The following ZNF708 variants were observed in gnomAD, a reference collection of about 807,000 sequenced individuals.
ZNF708 encodes the protein zinc finger protein 708.
In ZNF708, 44 loss-of-function variants were observed where a neutral mutation model predicts 47.0. That is an observed-to-expected ratio of 0.94 (90% confidence interval 0.74 to 1.20). The LOEUF is 1.20. ZNF708 is among the 50% of genes most tolerant of loss of function. ZNF708 has a pLI of 0.00. For missense variants in ZNF708, 557 were observed against 656.0 expected (o/e 0.85, Z 1.65); for synonymous variants, 184 against 218.5 (o/e 0.84, Z 1.39).
At chr19:21,323,187 G>A (rs897855781) in intron 1 of ZNF708, among the ~76,000 whole-genome samples, 5 of 152,102 alleles carry the variant, frequency 3.3e-5, no homozygotes, top group Non-Finnish European at 7.4e-5. Context: ...ACAGTTTATC[G>A]AAAGAAACAC....
At chr19:21,304,054 C>G (rs1427052723) in intron 3 of ZNF708, among the ~76,000 whole-genome samples, 1 of 152,020 alleles carries the variant, frequency 6.6e-6, no homozygotes, top group Non-Finnish European at 1.5e-5. Context: ...ATTTTACCTA[C>G]AGAGGAATAC....
Position 21,292,022 on chromosome 19 carries a change from A to G in ZNF708, c.*1252T>C, listed in dbSNP as rs927259783. ...CACTTTGATATAGTGTAATGTCTGA[A>G]GCATCCATACCTTAGTTTGTTTGTT... On this transcript the variant is annotated 3_prime_UTR_variant, in exon 4 of 4. Transcript: ENST00000356929. 1 of 152,062 alleles carries G rather than the reference A, an allele frequency of 6.6e-6. No individual in the cohort carries two copies. Among genetic ancestry groups the G allele is most frequent in the African/African-American group, 2.4e-5 (1 of 41,416 alleles). 9.4% of individuals were successfully genotyped at this position (152,062 alleles called of 1,614,324 possible). A position where few individuals can be genotyped will look rare whatever the true frequency, so the allele number is the denominator to read the frequency against.
intron 1 of ZNF708, among the ~76,000 whole-genome samples, chr19:21,317,006 C>T (rs12972339): frequency 0.56 from 84,659 of 151,424 alleles, 23,938 homozygotes; most frequent in Middle Eastern, 0.69. Context: ...AGGCTGGTCT[C>T]GAACTCCTAA....
In ZNF708 at chr19:21,324,756, T is replaced by C. The variant is rs564127863; in HGVS notation, c.3+4454A>G. 1.1e-4 allele frequency among the ~76,000 whole-genome samples: 16 copies of C among 152,290 alleles called. 1 individual carries two copies. In the South Asian group the frequency reaches 3.3e-3, roughly 32 times the overall value. On this transcript the variant is annotated intron_variant, in intron 1 of 3. Transcript: ENST00000356929. ...GTAAACAATTAGTCATATGGAAACA[T>C]GTCTAGGAGGTACCAAGTTTCAAAT... is the stretch of plus-strand genomic sequence containing the variant.
chr19:21,294,699 T>A lies in ZNF708; in HGVS notation c.267A>T (p.Gln89His), dbSNP rs772026648. The change falls in exon 4 of 4, where the codon CAA becomes CAT. Residue 89 changes from glutamine to histidine, a missense_variant. By Grantham distance (24) the Gln-to-His change is conservative (BLOSUM62 0). Transcript: ENST00000356929. The part of the protein sequence containing the change: ...SHFAKDLRPE[Q>H]YIKNSFQQVI... ...CTTGTTGGAAAGAATTTTTTATATA[T>A]TGCTCTGGCCTAAGGTCTTTGGCAA... is the stretch of plus-strand genomic sequence containing the variant. 7.4e-6 allele frequency: 12 copies of A among 1,613,292 alleles called. No individual in the cohort carries two copies. In the South Asian group the frequency reaches 1.2e-4, roughly 16 times the overall value.
intron 1 of ZNF708, among the ~76,000 whole-genome samples, chr19:21,313,757 CAAAAA>C (rs71176848): frequency 9.1e-6 from 1 of 109,818 alleles, no homozygotes; most frequent in Non-Finnish European, 1.9e-5. Context: ...GACTATGTCT[CAAAAA>C]AAAAAAAAAA....
intron 1 of ZNF708, among the ~76,000 whole-genome samples, chr19:21,317,970 C>A (rs780784934): frequency 1.3e-5 from 2 of 152,174 alleles, no homozygotes; most frequent in African/African-American, 2.4e-5. Flanking sequence ...AGCAATGGCT[C>A]TCTATGTTCT....
chr19:21,325,098 C>T (rs930295459), intron 1 of ZNF708, among the ~76,000 whole-genome samples: 2 of 152,076 alleles, frequency 1.3e-5, no homozygotes, highest in Non-Finnish European at 2.9e-5. Flanking sequence ...ACAAATCCCA[C>T]GCTCATGGAT....
At chr19:21,305,728 T>TCCCAAA (rs1394112470) in intron 3 of ZNF708, among the ~76,000 whole-genome samples, 20 of 152,196 alleles carry the variant, frequency 1.3e-4, no homozygotes, top group Non-Finnish European at 2.6e-4. Flanking sequence ...CCCAAAGTGC[T>TCCCAAA]GGGATTACAA....
rs1380998078 is a variant in ZNF708 at position 21,293,123 on chromosome 19, T to C, written c.*151A>G. ...TGCCACATTCTTTACATTTGTAGGGTTTCTCTCTAGTATGAATTATCTTTT... is the reference window on the plus strand; with the variant it reads ...TGCCACATTCTTTACATTTGTAGGGCTTCTCTCTAGTATGAATTATCTTTT... On this transcript the variant is annotated 3_prime_UTR_variant, in exon 4 of 4. Coordinates refer to ENST00000356929, the MANE Select transcript of ZNF708 (RefSeq NM_021269.3). 2.9e-6 allele frequency: 3 copies of C among 1,030,466 alleles called. No individual in the cohort carries two copies. The highest frequency in any genetic ancestry group is 4.4e-6 in the Non-Finnish European group (3 of 688,834). The allele number at this position is 1,030,466 out of a possible 1,614,324, so 63.8% of individuals were successfully genotyped here. A position where few individuals can be genotyped will look rare whatever the true frequency, so the allele number is the denominator to read the frequency against.
chr19:21,310,189 G>A (rs1972867278), intron 2 of ZNF708, among the ~76,000 whole-genome samples: 1 of 152,102 alleles, frequency 6.6e-6, no homozygotes, highest in South Asian at 2.1e-4. Context: ...GCTCACGCCT[G>A]TAATCCCAGC....
Position 21,314,211 on chromosome 19 carries a change from C to T in ZNF708, c.4-3584G>A, listed in dbSNP as rs112822193. 6.6e-3 allele frequency among the ~76,000 whole-genome samples: 993 copies of T among 151,158 alleles called. 19 individuals carry two copies. The highest frequency in any genetic ancestry group is 0.022 in the African/African-American group (916 of 41,160). ...CTCTGTAGAATTCTGTTCTCTATGC[C>T]ACTGGGGTATTTCAAGTTCTGTTTT... is the stretch of plus-strand genomic sequence containing the variant. On this transcript the variant is annotated intron_variant, in intron 1 of 3. Transcript: ENST00000356929.
chr19:21,326,213 G>C (rs770296670), intron 1 of ZNF708, among the ~76,000 whole-genome samples: 1 of 152,188 alleles, frequency 6.6e-6, no homozygotes, highest in Non-Finnish European at 1.5e-5. Context: ...CCACAATTGG[G>C]TATCTACCCA....
chr19:21,293,313 C>T lies in ZNF708; in HGVS notation c.1653G>A (p.Lys551=). Residue 551 remains lysine, a synonymous_variant, in exon 4 of 4, where the codon AAG becomes AAA. Transcript: ENST00000356929. ...AGGGTTTCTCTTTGGTATGAATTCT[C>T]TTATGTTTAGTAAGGTTTGGGGACT... The part of the protein sequence containing the change: ...FNQSPNLTKH[K]RIHTKEKPYK... 1.9e-6 allele frequency: 3 copies of T among 1,610,374 alleles called. No individual in the cohort carries two copies. Among genetic ancestry groups the T allele is most frequent in the Non-Finnish European group, 2.5e-6 (3 of 1,178,512 alleles).
In ZNF708 at chr19:21,293,459, G is replaced by A; in HGVS notation, c.1507C>T (p.Pro503Ser). The A allele has an allele frequency of 2.5e-6, 4 of 1,613,578 alleles. No individual in the cohort carries two copies. Among genetic ancestry groups the A allele is most frequent in the Non-Finnish European group, 3.4e-6 (4 of 1,179,828 alleles). The change falls in exon 4 of 4, where the codon CCC (proline) becomes TCC (serine). Residue 503 changes from proline to serine, a missense_variant. Coordinates refer to ENST00000356929, the MANE Select transcript of ZNF708 (RefSeq NM_021269.3). ...THKIIHTGEK[P>S]YKCKECGKAF... ...TTGCCACATTCTTTACATTTGTAGGGTTTCTCTCCAGTATGAATTATCTTA... is the reference window on the plus strand; with the variant it reads ...TTGCCACATTCTTTACATTTGTAGGATTTCTCTCCAGTATGAATTATCTTA...
intron 3 of ZNF708, among the ~76,000 whole-genome samples, chr19:21,296,958 C>T (rs141143934): frequency 0.011 from 1,686 of 151,566 alleles, 16 homozygotes; most frequent in Middle Eastern, 0.034. Flanking sequence ...CATGGTGAAA[C>T]CCCATCTCAA....
chr19:21,302,740 T>G (rs556736587), intron 3 of ZNF708, among the ~76,000 whole-genome samples: 9 of 152,008 alleles, frequency 5.9e-5, no homozygotes, highest in Non-Finnish European at 1.2e-4. Flanking sequence ...ATTAAAATGT[T>G]TTATGTAATC....
chr19:21,316,135 T>TTC (rs1291830370), intron 1 of ZNF708, among the ~76,000 whole-genome samples: 2 of 97,704 alleles, frequency 2.0e-5, no homozygotes, highest in Non-Finnish European at 5.5e-5. Context: ...TCTTTTTTCT[T>TTC]TTTTTTTTTT....
chr19:21,294,166 A>C lies in ZNF708; in HGVS notation c.800T>G (p.Leu267Arg), dbSNP rs1219145601. The change falls in exon 4 of 4, where the codon CTT (leucine) becomes CGT (arginine). Residue 267 changes from leucine (L) to arginine (R), a missense_variant. Leu to Arg is a moderately radical substitution (Grantham distance 102). Coordinates refer to ENST00000356929, the MANE Select transcript of ZNF708 (RefSeq NM_021269.3). ...CGKAFNRSSN[L>R]TKHKIVHTGE... ...AGTATGAACTATCTTATGTTTAGTA[A>C]GGTTTGAGGACCGGTTAAAAGCTTT... 1.2e-6 allele frequency: 2 copies of C among 1,612,262 alleles called. No individual in the cohort carries two copies. Among genetic ancestry groups the C allele is most frequent in the African/African-American group, 2.7e-5 (2 of 74,856 alleles).
Sources: allele counts gnomAD v4.1 joint callset (sites outside exome capture counted in the v4.1 genomes callset), GRCh38; gene constraint gnomAD v4.1.1; transcripts MANE v1.5; gene names NCBI Gene and HGNC (gene_info 2026-07-23, HGNC 2026-07-21).